The following TBC1D19 variants were observed in gnomAD, a reference collection of about 807,000 sequenced individuals.
The protein encoded by TBC1D19 is TBC1 domain family, member 19.
TBC1D19 carries 60 observed loss-of-function variants against 89.0 expected under a neutral mutation model. The ratio of observed to expected loss-of-function variants is 0.67; its 90% CI spans 0.55 to 0.84. The LOEUF (loss-of-function observed/expected upper bound fraction) is 0.84. Among genes scored for constraint, TBC1D19 ranks in the 40% least tolerant of loss-of-function variants. The pLI is 0.00. For synonymous variants in TBC1D19, 189 were observed against 199.7 expected, an observed-to-expected ratio of 0.95 and a Z score of 0.45; for missense variants, 500 against 610.8, an observed-to-expected ratio of 0.82 and a Z score of 1.91.
the TBC1D19 span, among the ~76,000 whole-genome samples, chr4:26,847,111 T>C: frequency 1.4e-4 from 22 of 152,344 alleles, no homozygotes; most frequent in Non-Finnish European, 2.9e-5. Flanking sequence ...TGTTCAGTCA[T>C]TGATTTGTTT....
intron 13 of TBC1D19, among the ~76,000 whole-genome samples, chr4:26,712,093 C>T (rs980919777): frequency 6.6e-6 from 1 of 152,044 alleles, no homozygotes; most frequent in African/African-American, 2.4e-5. Context: ...AAAGTTAATA[C>T]AAATGTTTCT....
chr4:26,834,903 A>C, the TBC1D19 span, among the ~76,000 whole-genome samples: 1 of 152,082 alleles, frequency 6.6e-6, no homozygotes, highest in Non-Finnish European at 1.5e-5. Flanking sequence ...CATGCTTTCT[A>C]CTCAGCATCA....
intron 13 of TBC1D19, among the ~76,000 whole-genome samples, chr4:26,712,209 G>C (rs552112855): frequency 7.2e-4 from 110 of 152,082 alleles, no homozygotes; most frequent in African/African-American, 2.6e-3. Context: ...TGTATTTGTT[G>C]ATTGGTTCTA....
At chr4:26,659,572 A>G in intron 7 of TBC1D19, 25 bp from the exon 8 acceptor site, 1 of 1,491,350 alleles carries the variant, frequency 6.7e-7, no homozygotes, top group Non-Finnish European at 9.3e-7. Flanking sequence ...GAAACTAACC[A>G]ATTTTGTTGG....
intron 7 of TBC1D19, among the ~76,000 whole-genome samples, chr4:26,650,540 G>A (rs528128121): frequency 2.0e-4 from 31 of 152,204 alleles, no homozygotes; most frequent in African/African-American, 7.0e-4. Flanking sequence ...CATATCCTTC[G>A]CCCACTTGTT....
the TBC1D19 span, among the ~76,000 whole-genome samples, chr4:26,815,742 T>C: frequency 8.1e-4 from 124 of 152,352 alleles, no homozygotes; most frequent in African/African-American, 2.6e-3. Context: ...TTGTATTTAG[T>C]CATTCTGACT....
At chr4:26,658,887 T>TCAACAC (rs1299288705) in intron 7 of TBC1D19, among the ~76,000 whole-genome samples, 12 of 152,182 alleles carry the variant, frequency 7.9e-5, no homozygotes, top group African/African-American at 2.9e-4. Flanking sequence ...TCTCTGTTTG[T>TCAACAC]CTGTTATTGG....
chr4:26,744,011 T>C (rs1394088595), intron 18 of TBC1D19, among the ~76,000 whole-genome samples: 1 of 151,656 alleles, frequency 6.6e-6, no homozygotes, highest in East Asian at 1.9e-4. Flanking sequence ...AAGGTAGAAA[T>C]CATTTTTTTA....
intron 15 of TBC1D19, among the ~76,000 whole-genome samples, chr4:26,735,168 GT>G (rs1717966896): frequency 6.6e-6 from 1 of 151,094 alleles, no homozygotes; most frequent in African/African-American, 2.4e-5. Flanking sequence ...GTATATGTAT[GT>G]ACACATATAT....
intron 5 of TBC1D19, among the ~76,000 whole-genome samples, chr4:26,638,391 T>C (rs1743270297): frequency 6.6e-6 from 1 of 152,188 alleles, no homozygotes; most frequent in Non-Finnish European, 1.5e-5. Flanking sequence ...AGGAAGATGA[T>C]GCTACTGACT....
chr4:26,786,181 C>A, the TBC1D19 span, among the ~76,000 whole-genome samples: 1 of 152,200 alleles, frequency 6.6e-6, no homozygotes, highest in Non-Finnish European at 1.5e-5. Flanking sequence ...TTAAGCCTAG[C>A]CACCTTGCCT....
chr4:26,704,698 A>G (rs898882777), intron 13 of TBC1D19, among the ~76,000 whole-genome samples: 1 of 152,142 alleles, frequency 6.6e-6, no homozygotes, highest in Non-Finnish European at 1.5e-5. Flanking sequence ...TAAATCCCCC[A>G]ATAGAAATAT....
rs899413442 is a variant in TBC1D19, at chr4:26,735,130, A to G, written c.1085-325A>G. 3.8e-4 allele frequency among the ~76,000 whole-genome samples: 58 copies of G among 151,238 alleles called. 1 individual carries two copies. Among genetic ancestry groups the G allele is most frequent in the African/African-American group, 3.4e-4 (14 of 41,090 alleles). On this transcript the variant is annotated intron_variant, in intron 15 of 20. Coordinates refer to ENST00000264866, the MANE Select transcript of TBC1D19 (RefSeq NM_018317.4). Reference sequence around the variant, plus strand: ...TATATATGTATACACATGTGTGTGTATATTTGTATACACATATGTGTGTAT... The same window carrying G: ...TATATATGTATACACATGTGTGTGTGTATTTGTATACACATATGTGTGTAT...
intron 19 of TBC1D19, among the ~76,000 whole-genome samples, chr4:26,752,817 T>G (rs1052583872): frequency 2.0e-5 from 3 of 152,160 alleles, no homozygotes; most frequent in Non-Finnish European, 4.4e-5. Context: ...GAAAAAATAA[T>G]CCAAATGCTG....
At chr4:26,602,435 CTTTTTTTTTTT>C (rs34004440) in intron 1 of TBC1D19, among the ~76,000 whole-genome samples, 85 of 73,062 alleles carry the variant, frequency 1.2e-3, no homozygotes, top group African/African-American at 3.4e-3. Context: ...CTATTGTATT[CTTTTTTTTTTT>C]TTTTTTTTTT....
rs191598668 is a variant in TBC1D19 at position 26,604,179 on chromosome 4, A to T, written c.100-8990A>T. On this transcript the variant is annotated intron_variant, in intron 1 of 20. Transcript: ENST00000264866. ...TTTTTTTTTTTTTTTTTTGAGACGG[A>T]GTGTCGCTCTGTTACCCAGGCTGGA... Among the ~76,000 whole-genome samples, 107 of 115,154 alleles carry T rather than the reference A, an allele frequency of 9.3e-4. 1 individual carries two copies. The highest frequency in any genetic ancestry group is 2.5e-3 in the Admixed American group (24 of 9,552). The allele number at this position is 115,154 out of a possible 152,430, so 75.5% of individuals were successfully genotyped here.
chr4:26,724,527 G>T (rs1312280230), intron 15 of TBC1D19, among the ~76,000 whole-genome samples: 1 of 151,992 alleles, frequency 6.6e-6, no homozygotes, highest in African/African-American at 2.4e-5. Context: ...TTTTTATAAA[G>T]ATATTTTTCA....
the TBC1D19 span, among the ~76,000 whole-genome samples, chr4:26,794,035 G>A: frequency 1.3e-5 from 2 of 152,174 alleles, no homozygotes; most frequent in Admixed American, 1.3e-4. Flanking sequence ...GGAGCTTGGA[G>A]GTGGGATCAC....
chr4:26,710,236 G>T (rs1045996152), intron 13 of TBC1D19, among the ~76,000 whole-genome samples: 3 of 151,808 alleles, frequency 2.0e-5, no homozygotes, highest in East Asian at 3.9e-4. Context: ...CTGTGTCCAT[G>T]TGTTCTCATT....
Sources: gnomAD v4.1 joint callset for allele counts (sites outside exome capture counted in the v4.1 genomes callset) on GRCh38, gnomAD v4.1.1 for gene constraint, MANE v1.5 for transcripts, NCBI Gene and HGNC (gene_info 2026-07-23, HGNC 2026-07-21) for gene names.